The following GOLIM4 variants were observed in gnomAD, a reference collection of about 807,000 sequenced individuals.
GOLIM4 encodes the protein 130 kDa golgi-localized phosphoprotein.
A neutral mutation model predicts 107.4 loss-of-function variants in GOLIM4; 71 were observed. That is an observed-to-expected ratio of 0.66 (90% CI 0.55 to 0.81). GOLIM4 has a LOEUF of 0.81. GOLIM4 is among the 30% of genes least tolerant of loss of function. GOLIM4 has a pLI of 0.00. For missense variants in GOLIM4, 830 were observed against 826.1 expected (o/e 1.00, Z -0.06); for synonymous variants, 327 against 294.8 (o/e 1.11, Z -1.12).
intron 1 of GOLIM4, among the ~76,000 whole-genome samples, chr3:168,059,084 C>T (rs7612167): frequency 0.19 from 29,107 of 152,006 alleles, 2,949 homozygotes; most frequent in Middle Eastern, 0.24. Flanking sequence ...GCACACTGCT[C>T]TTAAAATGCA....
intron 11 of GOLIM4, 88 bp downstream of exon 11, chr3:168,029,135 T>C (rs578032343): frequency 2.0e-4 from 172 of 846,826 alleles, no homozygotes; most frequent in African/African-American, 1.8e-3. Context: ...ATACAGCTCA[T>C]TGATGTTATA....
At chr3:168,034,357 C>T (rs1195226181) in intron 8 of GOLIM4, among the ~76,000 whole-genome samples, 1 of 152,142 alleles carries the variant, frequency 6.6e-6, no homozygotes, top group Non-Finnish European at 1.5e-5. Context: ...AAGATTAATC[C>T]AGTAAACTGG....
intron 14 of GOLIM4, among the ~76,000 whole-genome samples, chr3:168,023,557 G>A (rs1231658230): frequency 1.3e-5 from 2 of 152,210 alleles, no homozygotes; most frequent in Non-Finnish European, 2.9e-5. Context: ...TTTCTGCACA[G>A]GATCTCCAGT....
chr3:168,012,453 G>T (rs1303315174), intron 14 of GOLIM4, among the ~76,000 whole-genome samples: 3 of 146,954 alleles, frequency 2.0e-5, no homozygotes, highest in Non-Finnish European at 2.9e-5. Context: ...GAACCAAGTT[G>T]GAAAACACTC....
chr3:168,022,435 T>A (rs1168395005), intron 14 of GOLIM4, among the ~76,000 whole-genome samples: 1 of 152,166 alleles, frequency 6.6e-6, no homozygotes, highest in Non-Finnish European at 1.5e-5. Context: ...TATGCACTTA[T>A]AAACAATGCA....
chr3:168,010,586 C>G (rs1306490709), intron 15 of GOLIM4, among the ~76,000 whole-genome samples, 157 bp downstream of exon 15: 2 of 152,288 alleles, frequency 1.3e-5, no homozygotes, highest in African/African-American at 4.8e-5. Flanking sequence ...CATGTTGTCA[C>G]AACTTTTCCT....
intron 1 of GOLIM4, among the ~76,000 whole-genome samples, chr3:168,083,561 C>T (rs1332792244): frequency 6.6e-6 from 1 of 152,136 alleles, no homozygotes; most frequent in African/African-American, 2.4e-5. Flanking sequence ...TTTTAAATGC[C>T]ACTTCTTGCT....
chr3:168,061,145 C>CAA lies in GOLIM4; in HGVS notation c.188-12782_188-12781dup, dbSNP rs530702459. Among the ~76,000 whole-genome samples, 313 of 126,782 alleles carry CAA rather than the reference C, an allele frequency of 2.5e-3. 4 individuals are homozygous for CAA. Among genetic ancestry groups the CAA allele is most frequent in the African/African-American group, 7.7e-3 (288 of 37,284 alleles). The allele number at this position is 126,782 out of a possible 152,430, so 83.2% of individuals were successfully genotyped here. On this transcript the variant is annotated intron_variant, in intron 1 of 15. Transcript: ENST00000470487. ...CCAAATATACAAGATTTTAGAGAAG[C>CAA]AAAAAAAAAAAATGGGGCAAAGAAT... is the stretch of plus-strand genomic sequence containing the variant.
chr3:168,094,609 G>A (rs1722067130), intron 1 of GOLIM4, among the ~76,000 whole-genome samples: 1 of 152,176 alleles, frequency 6.6e-6, no homozygotes, highest in Admixed American at 6.5e-5. Context: ...TAAGCTGCTG[G>A]GTCATGGCTT....
intron 6 of GOLIM4, chr3:168,041,177 A>G: frequency 1.9e-6 from 1 of 519,402 alleles, no homozygotes; most frequent in East Asian, 3.0e-5. Context: ...GCATGAGAAT[A>G]ATTTCAGTAC....
intron 1 of GOLIM4, among the ~76,000 whole-genome samples, chr3:168,090,005 T>A (rs1477118375): frequency 1.3e-5 from 2 of 152,136 alleles, no homozygotes; most frequent in African/African-American, 4.8e-5. Flanking sequence ...TGATCTCAAG[T>A]GATCCACCCG....
At chr3:168,090,102 T>C (rs903238197) in intron 1 of GOLIM4, among the ~76,000 whole-genome samples, 14 of 152,090 alleles carry the variant, frequency 9.2e-5, no homozygotes, top group Admixed American at 4.6e-4. Flanking sequence ...TTAGGGAAGG[T>C]TGAAAGCAAA....
intron 14 of GOLIM4, among the ~76,000 whole-genome samples, chr3:168,016,764 A>C (rs1233964002): frequency 7.3e-6 from 1 of 137,608 alleles, no homozygotes; most frequent in Non-Finnish European, 1.5e-5. Context: ...AAATTGGAAA[A>C]CATCATTCTC....
intron 1 of GOLIM4, among the ~76,000 whole-genome samples, chr3:168,065,838 G>A (rs1720518695): frequency 6.6e-6 from 1 of 152,200 alleles, no homozygotes; most frequent in South Asian, 2.1e-4. Flanking sequence ...AAGGGGTCCA[G>A]AGATCTGGTT....
intron 1 of GOLIM4, among the ~76,000 whole-genome samples, chr3:168,088,741 T>A (rs184437125): frequency 6.6e-6 from 1 of 152,368 alleles, no homozygotes; most frequent in African/African-American, 2.4e-5. Context: ...AATCCTTTGC[T>A]TTTTGATTCA....
chr3:168,059,344 T>C (rs1720138324), intron 1 of GOLIM4, among the ~76,000 whole-genome samples: 1 of 152,224 alleles, frequency 6.6e-6, no homozygotes, highest in African/African-American at 2.4e-5. Context: ...CAAATCAATG[T>C]AGCAGTACAC....
chr3:168,075,568 G>A, intron 1 of GOLIM4, among the ~76,000 whole-genome samples: 1 of 152,030 alleles, frequency 6.6e-6, no homozygotes, highest in Admixed American at 6.6e-5. Flanking sequence ...AAAGTGCTGG[G>A]ATTACAGCAT....
chr3:168,041,283 T>A (rs1299661613), intron 6 of GOLIM4, 109 bp downstream of exon 6: 13 of 678,322 alleles, frequency 1.9e-5, no homozygotes, highest in Non-Finnish European at 3.2e-5. Flanking sequence ...AAGCCCACAA[T>A]AACAACGTGG....
At chr3:168,069,396 G>T (rs1720726267) in intron 1 of GOLIM4, among the ~76,000 whole-genome samples, 1 of 152,146 alleles carries the variant, frequency 6.6e-6, no homozygotes, top group Admixed American at 6.5e-5. Flanking sequence ...TTCCAATGAT[G>T]AACATTTTTA....
Sources: gnomAD v4.1 joint callset for allele counts (sites outside exome capture counted in the v4.1 genomes callset) on GRCh38, gnomAD v4.1.1 for gene constraint, MANE v1.5 for transcripts, NCBI Gene and HGNC (gene_info 2026-07-23, HGNC 2026-07-21) for gene names.